The following PALS2 variants were observed in gnomAD, a reference collection of about 807,000 sequenced individuals.
PALS2 encodes protein associated with LIN7 2, MAGUK p55 family member.
A neutral mutation model predicts 61.6 loss-of-function variants in PALS2; 27 were observed. The observed-to-expected ratio is 0.44, with a 90% CI of 0.32 to 0.60. PALS2 has a LOEUF of 0.60. Ranked by LOEUF, PALS2 falls within the 20% of genes least tolerant of loss-of-function variation. PALS2 has a pLI of 0.05. For synonymous variants in PALS2, 236 were observed against 218.6 expected (o/e 1.08, Z -0.70); for missense variants, 554 against 639.4 (o/e 0.87, Z 1.44).
At chr7:24,651,158 C>T (rs1786132081) in intron 5 of PALS2, among the ~76,000 whole-genome samples, 1 of 152,044 alleles carries the variant, frequency 6.6e-6, no homozygotes, top group South Asian at 2.1e-4. Flanking sequence ...AATCTTGGAC[C>T]CCTGGTTTGC....
chr7:24,684,776 GA>G (rs1419709636), intron 11 of PALS2, among the ~76,000 whole-genome samples: 1 of 151,894 alleles, frequency 6.6e-6, no homozygotes, highest in African/African-American at 2.4e-5. Context: ...CTCTTATCCT[GA>G]AAACCTTGGT....
intron 1 of PALS2, among the ~76,000 whole-genome samples, chr7:24,601,383 T>G (rs1436700470): frequency 6.6e-6 from 1 of 152,166 alleles, no homozygotes; most frequent in African/African-American, 2.4e-5. Context: ...TGTGCTTGTT[T>G]TCAAAATCAA....
At chr7:24,624,588 TA>T (rs1313173550) in intron 2 of PALS2, among the ~76,000 whole-genome samples, 4 of 148,428 alleles carry the variant, frequency 2.7e-5, no homozygotes, top group Non-Finnish European at 4.4e-5. Flanking sequence ...GAGAGTGAAT[TA>T]ATGATGCAGA....
At chr7:24,663,809 A>G in intron 6 of PALS2, 88 bp downstream of exon 6, 1 of 1,422,108 alleles carries the variant, frequency 7.0e-7, no homozygotes, top group South Asian at 1.2e-5. Flanking sequence ...GAAGAATATT[A>G]GCATTTGTTA....
At chr7:24,588,597 G>T (rs1583836365) in intron 1 of PALS2, among the ~76,000 whole-genome samples, 1 of 152,066 alleles carries the variant, frequency 6.6e-6, no homozygotes, top group Non-Finnish European at 1.5e-5. Context: ...TATATAAAAA[G>T]TTTGAACAAC....
At chr7:24,608,327 A>G (rs1343789897) in intron 1 of PALS2, among the ~76,000 whole-genome samples, 1 of 152,168 alleles carries the variant, frequency 6.6e-6, no homozygotes, top group African/African-American at 2.4e-5. Flanking sequence ...TTTTCATTCC[A>G]TCTGCTCTGC....
intron 1 of PALS2, among the ~76,000 whole-genome samples, chr7:24,601,169 G>C (rs1009822868): frequency 6.6e-6 from 1 of 152,068 alleles, no homozygotes; most frequent in East Asian, 1.9e-4. Context: ...CCTTCACCAC[G>C]TATGCATATC....
At chr7:24,587,068 T>G (rs1462603402) in intron 1 of PALS2, among the ~76,000 whole-genome samples, 3 of 152,068 alleles carry the variant, frequency 2.0e-5, no homozygotes, top group Non-Finnish European at 4.4e-5. Context: ...TATTTTTATT[T>G]TTAAATAAGT....
intron 8 of PALS2, among the ~76,000 whole-genome samples, chr7:24,667,710 G>C (rs1303774061): frequency 2.1e-5 from 3 of 142,734 alleles, no homozygotes; most frequent in Admixed American, 7.4e-5. Context: ...CTGTCACCAG[G>C]CTGGAGTGCA....
At position 24,573,826 on chromosome 7, in the gene PALS2, C is replaced by T. The variant is rs1197158091; in HGVS notation, c.-3+233C>T. Among the ~76,000 whole-genome samples, 1 of 149,580 alleles carries T rather than the reference C, an allele frequency of 6.7e-6. No individual in the cohort carries two copies. On this transcript the variant is annotated intron_variant, in intron 1 of 11. Coordinates refer to ENST00000222644, the MANE Select transcript of PALS2 (RefSeq NM_001303037.2). The surrounding 1 kb of genome is among the most constrained non-coding windows in gnomAD (Gnocchi z 5.3). ...CCCAGCCCGGCCCGCGCGGAAGGGGCGCTCGGCCGGGCTCCTGCCTCTCTG... is the reference window on the plus strand; with the variant it reads ...CCCAGCCCGGCCCGCGCGGAAGGGGTGCTCGGCCGGGCTCCTGCCTCTCTG...
At chr7:24,686,433 C>T (rs1169118019) in intron 11 of PALS2, among the ~76,000 whole-genome samples, 4 of 152,162 alleles carry the variant, frequency 2.6e-5, no homozygotes, top group African/African-American at 2.4e-5. Context: ...GTATCTTGAA[C>T]GTGCCAGGGT....
Position 24,666,038 on chromosome 7 carries a change from A to AT in PALS2, c.902dup (p.Ser302LysfsTer2). On this transcript the variant is annotated frameshift_variant, in exon 8 of 12. Coordinates refer to ENST00000222644, the MANE Select transcript of PALS2 (RefSeq NM_001303037.2). LOFTEE classifies it high-confidence loss of function. The stretch of plus-strand genomic sequence containing the variant: ...TCCTTCAGGACCTTTTTGTGGAACT[A>AT]TAAGTAGCAAAAAAAAGAAAAAGAT... The AT allele has an allele frequency of 6.2e-7, 1 of 1,611,232 alleles. No individual in the cohort carries two copies. Among genetic ancestry groups the AT allele is most frequent in the Non-Finnish European group, 8.5e-7 (1 of 1,178,010 alleles).
intron 2 of PALS2, among the ~76,000 whole-genome samples, chr7:24,633,626 C>G (rs566065508): frequency 7.2e-5 from 11 of 152,080 alleles, no homozygotes; most frequent in Admixed American, 3.9e-4. Context: ...GGAAAATTCT[C>G]AGTTTCAGAT....
At chr7:24,651,438 C>G (rs1489176960) in intron 5 of PALS2, among the ~76,000 whole-genome samples, 1 of 152,100 alleles carries the variant, frequency 6.6e-6, no homozygotes, top group African/African-American at 2.4e-5. Context: ...TTTTTCTCAT[C>G]TATATAGTTA....
At chr7:24,655,019 G>A (rs1483321965) in intron 5 of PALS2, among the ~76,000 whole-genome samples, 1 of 152,118 alleles carries the variant, frequency 6.6e-6, no homozygotes, top group Non-Finnish European at 1.5e-5. Flanking sequence ...AAGTAAAAGG[G>A]GACATGTGTT....
At chr7:24,615,756 C>T (rs1784273637) in intron 1 of PALS2, among the ~76,000 whole-genome samples, 1 of 151,822 alleles carries the variant, frequency 6.6e-6, no homozygotes, top group Admixed American at 6.6e-5. Context: ...GGACATCACA[C>T]AAAAAGAAAA....
chr7:24,573,781 C>G lies in PALS2; in HGVS notation c.-3+188C>G, dbSNP rs1782542787. On this transcript the variant is annotated intron_variant, in intron 1 of 11. Coordinates refer to ENST00000222644, the MANE Select transcript of PALS2 (RefSeq NM_001303037.2). The surrounding 1 kb of genome is among the most constrained non-coding windows in gnomAD (Gnocchi z 5.3). ...CAGGCGGCGGCGGCGGCGCCGCGGT[C>G]GGGGAGGCTGCTGGCCGCCCCCAGC... 6.8e-6 allele frequency among the ~76,000 whole-genome samples: 1 copy of G among 147,220 alleles called. No individual in the cohort carries two copies. The highest frequency in any genetic ancestry group is 2.4e-5 in the African/African-American group (1 of 40,870).
At chr7:24,624,605 C>CTTCTTCTTTTTTTTT (rs1554302487) in intron 2 of PALS2, among the ~76,000 whole-genome samples, 6 of 86,356 alleles carry the variant, frequency 6.9e-5, no homozygotes, top group African/African-American at 3.9e-4. Flanking sequence ...GCAGATTCTT[C>CTTCTTCTTTTTTTTT]TTTTTTTTTT....
At position 24,651,600 on chromosome 7, in the gene PALS2, T is replaced by G. The variant is rs111258192; in HGVS notation, c.651+888T>G. 2.8e-3 allele frequency among the ~76,000 whole-genome samples: 430 copies of G among 152,210 alleles called. 3 individuals carry two copies. The highest frequency in any genetic ancestry group is 9.9e-3 in the African/African-American group (412 of 41,542). On this transcript the variant is annotated intron_variant, in intron 5 of 11. Coordinates refer to ENST00000222644, the MANE Select transcript of PALS2 (RefSeq NM_001303037.2). ...ACGCAGTAGTGGTGAAATGGAACCG[T>G]AAAGAAAGAAAAAGAAATTGCGGAG...
Sources: allele counts gnomAD v4.1 joint callset (sites outside exome capture counted in the v4.1 genomes callset), GRCh38; gene constraint gnomAD v4.1.1; non-coding constraint Gnocchi (gnomAD v3.1); transcripts MANE v1.5; gene names NCBI Gene and HGNC (gene_info 2026-07-23, HGNC 2026-07-21).